The following DPP10 variants were observed in gnomAD, a reference collection of about 807,000 sequenced individuals.
The protein encoded by DPP10 is dipeptidyl peptidase like 10, also known as inactive dipeptidyl peptidase 10.
In DPP10, 33 loss-of-function variants were observed where a neutral mutation model predicts 120.9. The observed-to-expected ratio is 0.27, with a 90% confidence interval of 0.21 to 0.37. The LOEUF (loss-of-function observed/expected upper bound fraction) is 0.37. DPP10 is among the 10% of genes least tolerant of loss of function. The probability of loss-of-function intolerance (pLI) is 1.00; values close to 1 mark genes in which losing one functional copy is unlikely to be tolerated. For synonymous variants in DPP10, 337 were observed against 326.1 expected, an observed-to-expected ratio of 1.03 and a Z score of -0.36; for missense variants, 816 against 942.8, an observed-to-expected ratio of 0.87 and a Z score of 1.76.
chr2:114,738,744 G>T (rs938224857), intron 1 of DPP10, among the ~76,000 whole-genome samples: 5 of 152,228 alleles, frequency 3.3e-5, no homozygotes, highest in African/African-American at 7.2e-5. Flanking sequence ...CCACTGACCT[G>T]TGGCCCTTTC....
chr2:115,353,486 C>G (rs1226108066), intron 3 of DPP10, among the ~76,000 whole-genome samples: 1 of 151,982 alleles, frequency 6.6e-6, no homozygotes, highest in African/African-American at 2.4e-5. Context: ...TTTATTAGCT[C>G]TTAATTTGAA....
intron 1 of DPP10, among the ~76,000 whole-genome samples, chr2:114,626,219 T>A (rs1694500835): frequency 6.6e-6 from 1 of 151,934 alleles, no homozygotes; most frequent in Non-Finnish European, 1.5e-5. Flanking sequence ...AATATAATTA[T>A]CAAAAACACA....
chr2:114,561,216 A>C (rs927195195), intron 1 of DPP10, among the ~76,000 whole-genome samples: 2 of 152,222 alleles, frequency 1.3e-5, no homozygotes, highest in African/African-American at 4.8e-5. Flanking sequence ...TTACTAGTTC[A>C]GTTGGTTGCT....
chr2:115,139,881 A>G (rs1241145722), intron 1 of DPP10, among the ~76,000 whole-genome samples: 3 of 152,122 alleles, frequency 2.0e-5, no homozygotes, highest in African/African-American at 4.8e-5. Context: ...CTTTGCCCCA[A>G]ACAGTCATAG....
At position 115,727,895 on chromosome 2, in the gene DPP10, A is replaced by G; in HGVS notation, c.656A>G (p.Glu219Gly). ...TTGCGACTGACATCTTCTGGAAAAG[A>G]AGAAATAATTTTTAATGGGATTGCT... ...SSLRLTSSGK[E>G]EIIFNGIADW... Residue 219 changes from glutamate (E) to glycine (G), a missense_variant, in exon 8 of 26, where the codon GAA (glutamate) becomes GGA (glycine). Glu to Gly is a moderately conservative substitution (Grantham distance 98). Around this residue, in one of 3 missense-constraint regions of DPP10, gnomAD observed 42 missense variants for 86.4 expected, o/e 0.49. Transcript: ENST00000410059. 1 of 1,608,980 alleles carries G rather than the reference A, an allele frequency of 6.2e-7. No individual in the cohort carries two copies. The highest frequency in any genetic ancestry group is 8.5e-7 in the Non-Finnish European group (1 of 1,177,828).
At chr2:115,659,414 A>G (rs1446824492) in intron 5 of DPP10, among the ~76,000 whole-genome samples, 1 of 152,080 alleles carries the variant, frequency 6.6e-6, no homozygotes, top group African/African-American at 2.4e-5. Context: ...CAAAAAAAAA[A>G]GTTTAGAATT....
At chr2:114,456,310 T>A (rs7586948) in intron 1 of DPP10, among the ~76,000 whole-genome samples, 79,551 of 152,008 alleles carry the variant, frequency 0.52, 22,739 homozygotes, top group East Asian at 0.71. Flanking sequence ...AGAGATGGAC[T>A]ATTGAGGAGT....
intron 1 of DPP10, among the ~76,000 whole-genome samples, chr2:114,810,559 A>T (rs545646395): frequency 8.5e-5 from 13 of 152,370 alleles, no homozygotes; most frequent in Middle Eastern, 3.4e-3. Context: ...GGAATAATTT[A>T]ATCCTTCTTT....
intron 3 of DPP10, among the ~76,000 whole-genome samples, chr2:115,384,562 GA>G (rs2066737177): frequency 7.7e-5 from 1 of 13,010 alleles, no homozygotes; most frequent in Non-Finnish European, 2.3e-4. Context: ...AGAAGAGGAA[GA>G]AGAAGAAGAA....
intron 3 of DPP10, among the ~76,000 whole-genome samples, chr2:115,378,931 A>G (rs1168910883): frequency 1.3e-5 from 2 of 152,060 alleles, no homozygotes; most frequent in African/African-American, 2.4e-5. Flanking sequence ...AAGCTTTTTG[A>G]TGTGCTGCTG....
chr2:115,088,750 CAAA>C (rs70941027), intron 1 of DPP10, among the ~76,000 whole-genome samples: 7 of 65,044 alleles, frequency 1.1e-4, no homozygotes, highest in Middle Eastern at 0.015. Context: ...CTGTGCCTGA[CAAA>C]AAAAAAAAAA....
chr2:115,605,695 A>G (rs75865607), intron 5 of DPP10, among the ~76,000 whole-genome samples: 2 of 152,190 alleles, frequency 1.3e-5, no homozygotes, highest in Non-Finnish European at 2.9e-5. Context: ...CAACAAAAGT[A>G]AAATTTACTC....
At chr2:114,524,108 C>A (rs1364314343) in intron 1 of DPP10, among the ~76,000 whole-genome samples, 1 of 152,220 alleles carries the variant, frequency 6.6e-6, no homozygotes, top group Non-Finnish European at 1.5e-5. Flanking sequence ...GTGGGAATAA[C>A]ATTCTACAAA....
chr2:114,548,984 A>C (rs1475350086), intron 1 of DPP10, among the ~76,000 whole-genome samples: 1 of 152,250 alleles, frequency 6.6e-6, no homozygotes, highest in East Asian at 1.9e-4. Context: ...TTAAGGCGGA[A>C]TCACACGAGC....
chr2:115,375,173 T>C (rs1266084626), intron 3 of DPP10, among the ~76,000 whole-genome samples: 1 of 152,238 alleles, frequency 6.6e-6, no homozygotes, highest in Non-Finnish European at 1.5e-5. Flanking sequence ...CAGGAAGGCA[T>C]ATGACTGTAT....
At chr2:115,695,445 A>G (rs578154328) in intron 7 of DPP10, among the ~76,000 whole-genome samples, 5 of 152,104 alleles carry the variant, frequency 3.3e-5, no homozygotes, top group African/African-American at 1.2e-4. Context: ...GGAGGCCTCA[A>G]AATCATGGTG....
chr2:114,558,475 C>T (rs966388189), intron 1 of DPP10, among the ~76,000 whole-genome samples: 11 of 152,206 alleles, frequency 7.2e-5, no homozygotes, highest in African/African-American at 1.9e-4. Context: ...ACTTAAATAC[C>T]GTCCCCATAA....
At position 114,775,449 on chromosome 2, in the gene DPP10, A is replaced by G. The variant is rs1285063306; in HGVS notation, c.60+332611A>G. Among the ~76,000 whole-genome samples, 3 of 152,176 alleles carry G rather than the reference A, an allele frequency of 2.0e-5. No homozygotes were observed. The East Asian group carries it at 5.8e-4, about 29-fold the overall frequency. On this transcript the variant is annotated intron_variant, in intron 1 of 25. Transcript: ENST00000410059. ...TTACATTGCTGCCAAGTGCAGAAATACACTAAAGCCATGCACAGCAACTCA... is the reference window on the plus strand; with the variant it reads ...TTACATTGCTGCCAAGTGCAGAAATGCACTAAAGCCATGCACAGCAACTCA...
chr2:114,527,830 C>G (rs898199537), intron 1 of DPP10, among the ~76,000 whole-genome samples: 1 of 152,084 alleles, frequency 6.6e-6, no homozygotes, highest in South Asian at 2.1e-4. Context: ...TGTTACTGTA[C>G]TGAATACTGT....
Sources: allele counts gnomAD v4.1 joint callset (sites outside exome capture counted in the v4.1 genomes callset), GRCh38; gene constraint gnomAD v4.1.1; regional missense constraint gnomAD v4.1.1; transcripts MANE v1.5; gene names NCBI Gene and HGNC (gene_info 2026-07-23, HGNC 2026-07-21).